PPARA: variants seen among roughly 807,000 people sequenced by gnomAD.
The protein encoded by PPARA is peroxisome proliferator activated receptor alpha, also known as peroxisome proliferator-activated receptor alpha.
In PPARA, 22 loss-of-function variants were observed where a neutral mutation model predicts 42.2. The observed-to-expected ratio is 0.52, with a 90% CI of 0.37 to 0.74. The LOEUF (loss-of-function observed/expected upper bound fraction) is 0.74. Among genes scored for constraint, PPARA ranks in the 30% least tolerant of loss-of-function variants. The pLI is 0.00. For synonymous variants in PPARA, 242 were observed against 239.3 expected, an observed-to-expected ratio of 1.01 and a Z score of -0.10; for missense variants, 465 against 608.2, an observed-to-expected ratio of 0.76 and a Z score of 2.48.
At chr22:46,189,134 C>G (rs1034491509) in intron 3 of PPARA, among the ~76,000 whole-genome samples, 5 of 152,238 alleles carry the variant, frequency 3.3e-5, no homozygotes, top group Non-Finnish European at 5.9e-5. Context: ...GCCTCTCGGC[C>G]TACTCTAATT....
chr22:46,182,302 C>T lies in PPARA; in HGVS notation c.-43+5466C>T, dbSNP rs971752442. On this transcript the variant is annotated intron_variant, in intron 3 of 8. Transcript: ENST00000407236. This position sits in a 1 kb window ranked among gnomAD's most constrained non-coding sequence, Gnocchi z 5.2. ...TTTATAATAGCTCAGACTTGGAAAC[C>T]ATTCAGATGCCATTAATAGGTGAAT... Among the ~76,000 whole-genome samples, 8 of 152,210 alleles carry T rather than the reference C, an allele frequency of 5.3e-5. No homozygotes were observed. The highest frequency in any genetic ancestry group is 5.9e-5 in the Non-Finnish European group (4 of 68,038).
At chr22:46,205,978 T>C (rs1933262063) in intron 4 of PPARA, among the ~76,000 whole-genome samples, 1 of 152,210 alleles carries the variant, frequency 6.6e-6, no homozygotes, top group South Asian at 2.1e-4. Context: ...GTTTGTGTCT[T>C]TATACTATGG....
rs1429647666 is a variant in PPARA, at chr22:46,220,218, C to G, written c.711+204C>G. 9.0e-6 allele frequency: 6 copies of G among 670,350 alleles called. No homozygotes were observed. In the Admixed American group the frequency reaches 1.4e-4, roughly 16 times the overall value. The allele number at this position is 670,350 out of a possible 1,614,324, so 41.5% of individuals were successfully genotyped here. A position where few individuals can be genotyped will look rare whatever the true frequency, so the allele number is the denominator to read the frequency against. Reference sequence around the variant, plus strand: ...CCTTTCTTCTTGCTTGGAGCCACCTCAAAGCTCTTAGCAACTAAGTTATTA... The same window carrying G: ...CCTTTCTTCTTGCTTGGAGCCACCTGAAAGCTCTTAGCAACTAAGTTATTA... On this transcript the variant is annotated intron_variant, in intron 7 of 8. Coordinates refer to ENST00000407236, the MANE Select transcript of PPARA (RefSeq NM_005036.6).
rs550360977 is a variant in PPARA, at chr22:46,160,069, C to T, written c.-127+8099C>T. ...GAAAACCACAGTCTTGAACCGCCAG[C>T]GAAGGGCTGGGAAGTGCGGATCCAG... On this transcript the variant is annotated intron_variant, in intron 2 of 8. Coordinates refer to ENST00000407236, the MANE Select transcript of PPARA (RefSeq NM_005036.6). This position sits in a 1 kb window ranked among gnomAD's most constrained non-coding sequence, Gnocchi z 4.5. Among the ~76,000 whole-genome samples the T allele has an allele frequency of 3.9e-5, 6 of 152,304 alleles. No homozygotes were observed. Among genetic ancestry groups the T allele is most frequent in the African/African-American group, 9.6e-5 (4 of 41,574 alleles).
intron 2 of PPARA, among the ~76,000 whole-genome samples, chr22:46,175,509 C>G (rs142352234): frequency 0.053 from 8,079 of 151,818 alleles, 236 homozygotes; most frequent in South Asian, 0.075. Context: ...GTCAGGAGAT[C>G]GAGACCATCC....
At position 46,243,067 on chromosome 22, in the gene PPARA, G is replaced by T. The variant is rs1035204573; in HGVS notation, c.*7687G>T. 12 of 152,574 alleles carry T rather than the reference G, an allele frequency of 7.9e-5. No individual in the cohort carries two copies. Among genetic ancestry groups the T allele is most frequent in the Non-Finnish European group, 1.8e-4 (12 of 68,042 alleles). 9.5% of individuals were successfully genotyped at this position (152,574 alleles called of 1,614,324 possible). On this transcript the variant is annotated 3_prime_UTR_variant, in exon 9 of 9. Transcript: ENST00000407236. This position sits in a 1 kb window ranked among gnomAD's most constrained non-coding sequence, Gnocchi z 5.0. The stretch of plus-strand genomic sequence containing the variant: ...ATTCTTTGCACGTGCCGGTTCTCTG[G>T]CATCCTCCAGGTGGCCCAACCCAAA...
At chr22:46,206,535 A>G (rs548989771) in intron 4 of PPARA, among the ~76,000 whole-genome samples, 5 of 152,324 alleles carry the variant, frequency 3.3e-5, no homozygotes, top group Admixed American at 1.3e-4. Flanking sequence ...AATGTCTCCC[A>G]GTCTACCTTC....
chr22:46,231,888 G>A lies in PPARA; in HGVS notation c.808G>A (p.Val270Ile). The change falls in exon 8 of 9, where the codon GTC (valine) becomes ATC (isoleucine). Residue 270 changes from valine (V) to isoleucine (I), a missense_variant. Coordinates refer to ENST00000407236, the MANE Select transcript of PPARA (RefSeq NM_005036.6). This position sits in a 1 kb window ranked among gnomAD's most constrained non-coding sequence, Gnocchi z 7.7. ...ANGIQNKEAE[V>I]RIFHCCQCTS... is the part of the protein sequence containing the mutation. ...TGGCATCCAGAACAAGGAGGCGGAG[G>A]TCCGCATCTTTCACTGCTGCCAGTG... is the stretch of plus-strand genomic sequence containing the variant. 1 of 1,614,164 alleles carries A rather than the reference G, an allele frequency of 6.2e-7. No homozygotes were observed. Among genetic ancestry groups the A allele is most frequent in the Non-Finnish European group, 8.5e-7 (1 of 1,180,018 alleles).
Position 46,224,248 on chromosome 22 carries a change from G to C in PPARA, c.711+4234G>C, listed in dbSNP as rs1392128036. On this transcript the variant is annotated intron_variant, in intron 7 of 8. Transcript: ENST00000407236. The surrounding 1 kb of genome is among the most constrained non-coding windows in gnomAD (Gnocchi z 5.7). ...CCCCCTCCTCCCTGCCTAGCCTGCT[G>C]ACGGGCTTTCCAGAGCTGGCTCCTT... Among the ~76,000 whole-genome samples the C allele has an allele frequency of 6.6e-6, 1 of 152,224 alleles. No homozygotes were observed. The highest frequency in any genetic ancestry group is 1.5e-5 in the Non-Finnish European group (1 of 68,038).
rs143524886 is a variant in PPARA at position 46,227,909 on chromosome 22, G to A, written c.712-3883G>A. 3.3e-5 allele frequency among the ~76,000 whole-genome samples: 5 copies of A among 152,146 alleles called. No individual in the cohort carries two copies. Among genetic ancestry groups the A allele is most frequent in the African/African-American group, 1.2e-4 (5 of 41,506 alleles). On this transcript the variant is annotated intron_variant, in intron 7 of 8. Transcript: ENST00000407236. The surrounding 1 kb of genome is among the most constrained non-coding windows in gnomAD (Gnocchi z 4.3). ...AGAATGTTTATCCATAAAGTTTAGC[G>A]AATTTGCAAGTGTGTTTTTCAACAG...
At position 46,161,943 on chromosome 22, in the gene PPARA, T is replaced by G. The variant is rs892425507; in HGVS notation, c.-127+9973T>G. Among the ~76,000 whole-genome samples, 1 of 152,184 alleles carries G rather than the reference T, an allele frequency of 6.6e-6. No individual in the cohort carries two copies. Among genetic ancestry groups the G allele is most frequent in the East Asian group, 1.9e-4 (1 of 5,182 alleles). On this transcript the variant is annotated intron_variant, in intron 2 of 8. Coordinates refer to ENST00000407236, the MANE Select transcript of PPARA (RefSeq NM_005036.6). This position sits in a 1 kb window ranked among gnomAD's most constrained non-coding sequence, Gnocchi z 4.8. ...ACCCACCCGCCTTCCAGATGTCACC[T>G]GGGCCCTCCCGGAGGCCCTCGCCCT...
At chr22:46,186,166 G>A (rs935425429) in intron 3 of PPARA, among the ~76,000 whole-genome samples, 2 of 151,538 alleles carry the variant, frequency 1.3e-5, no homozygotes, top group African/African-American at 2.4e-5. Context: ...TGGCAGTGTA[G>A]ACTTACATTC....
Position 46,150,756 on chromosome 22 carries a change from AGGGGCT to A in PPARA, c.-210+108_-210+113del, listed in dbSNP as rs1226188501. 1 of 123,372 alleles carries A rather than the reference AGGGGCT, an allele frequency of 8.1e-6. No homozygotes were observed. 7.6% of individuals were successfully genotyped at this position (123,372 alleles called of 1,614,324 possible). ...GGAGGGCGGCGGACGGGGGAGGGGC[AGGGGCT>A]GGGCGGCGCATGCGCGGGGCCCGGG... On this transcript the variant is annotated intron_variant, in intron 1 of 8. Coordinates refer to ENST00000407236, the MANE Select transcript of PPARA (RefSeq NM_005036.6). This position sits in a 1 kb window ranked among gnomAD's most constrained non-coding sequence, Gnocchi z 7.5.
chr22:46,196,565 C>A lies in PPARA; in HGVS notation c.-42-1777C>A, dbSNP rs1932252889. The stretch of plus-strand genomic sequence containing the variant: ...TCCCCCAAGACATTTACACAGCTTG[C>A]CCCCTCATTCCCTGAGGTTATCTCC... On this transcript the variant is annotated intron_variant, in intron 3 of 8. Transcript: ENST00000407236. This position sits in a 1 kb window ranked among gnomAD's most constrained non-coding sequence, Gnocchi z 5.6. Among the ~76,000 whole-genome samples, 1 of 152,204 alleles carries A rather than the reference C, an allele frequency of 6.6e-6. No individual in the cohort carries two copies. The highest frequency in any genetic ancestry group is 6.5e-5 in the Admixed American group (1 of 15,280).
At chr22:46,157,879 G>A (rs1190798130) in intron 2 of PPARA, among the ~76,000 whole-genome samples, 2 of 152,084 alleles carry the variant, frequency 1.3e-5, no homozygotes, top group African/African-American at 4.8e-5. Flanking sequence ...GAGATTTGCA[G>A]ATAAAGAGGA....
chr22:46,178,529 T>C (rs1249483560), intron 3 of PPARA, among the ~76,000 whole-genome samples: 1 of 152,058 alleles, frequency 6.6e-6, no homozygotes, highest in East Asian at 1.9e-4. Context: ...GTTGACAAAA[T>C]AGAGCTGAGA....
At chr22:46,201,924 C>A (rs1016920753) in intron 4 of PPARA, among the ~76,000 whole-genome samples, 1 of 152,006 alleles carries the variant, frequency 6.6e-6, no homozygotes. Context: ...TTCTTTTTTG[C>A]CTTTCTTTTT....
At chr22:46,172,221 GGGA>G (rs1023121003) in intron 2 of PPARA, among the ~76,000 whole-genome samples, 2 of 151,834 alleles carry the variant, frequency 1.3e-5, no homozygotes, top group Non-Finnish European at 2.9e-5. Context: ...AAAAGGGAGA[GGGA>G]AGAGGCTGTG....
rs1320910325 is a variant in PPARA at position 46,221,351 on chromosome 22, C to T, written c.711+1337C>T. ...TTTGGGTGGGGACACAGAGCCAAAC[C>T]ATATCATAAGGCTAGAAAAGGAAAC... On this transcript the variant is annotated intron_variant, in intron 7 of 8. Transcript: ENST00000407236. This position sits in a 1 kb window ranked among gnomAD's most constrained non-coding sequence, Gnocchi z 5.9. Among the ~76,000 whole-genome samples the T allele has an allele frequency of 6.6e-6, 1 of 152,196 alleles. No homozygotes were observed. The highest frequency in any genetic ancestry group is 1.5e-5 in the Non-Finnish European group (1 of 68,038).
Sources: gnomAD v4.1 joint callset for allele counts (sites outside exome capture counted in the v4.1 genomes callset) on GRCh38, gnomAD v4.1.1 for gene constraint, Gnocchi (gnomAD v3.1) non-coding constraint, MANE v1.5 for transcripts, NCBI Gene and HGNC (gene_info 2026-07-23, HGNC 2026-07-21) for gene names.